TBC1D32: variants seen among roughly 807,000 people sequenced by gnomAD.
TBC1D32 encodes protein broad-minded.
A neutral mutation model predicts 170.3 loss-of-function variants in TBC1D32; 151 were observed. The ratio of observed to expected loss-of-function variants is 0.89; its 90% CI spans 0.78 to 1.01. The LOEUF (loss-of-function observed/expected upper bound fraction) is 1.01, where lower values mean the gene tolerates loss of function less well. Among genes scored for constraint, TBC1D32 ranks in the 50% least tolerant of loss-of-function variants. The pLI is 0.00. For synonymous variants in TBC1D32, 498 were observed against 488.0 expected, an observed-to-expected ratio of 1.02 and a Z score of -0.27; for missense variants, 1,464 against 1,457.1, an observed-to-expected ratio of 1.00 and a Z score of -0.08.
intron 1 of TBC1D32, among the ~76,000 whole-genome samples, chr6:121,330,324 G>A (rs1434540956): frequency 1.3e-5 from 2 of 152,118 alleles, no homozygotes; most frequent in Admixed American, 1.3e-4. Context: ...GTGAGCCACT[G>A]AGCCCAGCCC....
At position 121,112,524 on chromosome 6, in the gene TBC1D32, A is replaced by C. The variant is rs770341437; in HGVS notation, c.3305T>G (p.Leu1102Trp). Residue 1102 changes from leucine (L) to tryptophan (W), a missense_variant, in exon 29 of 32, where the codon TTG (leucine) becomes TGG (tryptophan). Leu to Trp is a moderately conservative substitution (Grantham distance 61). Coordinates refer to ENST00000398212, the MANE Select transcript of TBC1D32 (RefSeq NM_152730.6). ...SRLLTSAFLW[L>W]PRLHISSYLP... ...TCTTACAGAAATATGTAGCCTTGGC[A>C]ACCAAAGAAAAGCAGAAGTCAGAAG... The C allele has an allele frequency of 1.9e-6, 3 of 1,607,656 alleles. No individual in the cohort carries two copies. The highest frequency in any genetic ancestry group is 2.6e-6 in the Non-Finnish European group (3 of 1,176,442).
intron 22 of TBC1D32, among the ~76,000 whole-genome samples, chr6:121,185,526 G>A (rs1393338019): frequency 4.6e-5 from 7 of 152,096 alleles, no homozygotes; most frequent in African/African-American, 1.7e-4. Context: ...TCCCTTATCA[G>A]AGATGATCTG....
intron 21 of TBC1D32, among the ~76,000 whole-genome samples, chr6:121,220,553 GC>G (rs758922759): frequency 1.2e-3 from 182 of 152,050 alleles, no homozygotes; most frequent in Non-Finnish European, 2.2e-3. Context: ...AGATGAAGTA[GC>G]AAGTGCTGAT....
chr6:121,097,591 G>C (rs1221047639), intron 30 of TBC1D32, among the ~76,000 whole-genome samples: 2 of 152,118 alleles, frequency 1.3e-5, no homozygotes, highest in South Asian at 4.1e-4. Context: ...TTACACTTTT[G>C]GTGGGAGTGT....
intron 12 of TBC1D32, among the ~76,000 whole-genome samples, chr6:121,288,807 A>G (rs59102664): frequency 0.023 from 3,375 of 149,028 alleles, 91 homozygotes; most frequent in East Asian, 0.065. Flanking sequence ...TATCCACCAC[A>G]ATCAAGTGGG....
chr6:121,320,216 GA>G (rs200601919), intron 2 of TBC1D32, among the ~76,000 whole-genome samples: 1 of 73,634 alleles, frequency 1.4e-5, no homozygotes, highest in Non-Finnish European at 3.0e-5. Context: ...AAAAGAAAAA[GA>G]AAAAAAAAAC....
At chr6:121,175,696 C>G (rs543718292) in intron 22 of TBC1D32, among the ~76,000 whole-genome samples, 2 of 152,174 alleles carry the variant, frequency 1.3e-5, no homozygotes, top group South Asian at 4.2e-4. Flanking sequence ...GAAAGGTTAC[C>G]TCTTTAATTT....
At chr6:121,117,004 G>A (rs536179090) in intron 26 of TBC1D32, among the ~76,000 whole-genome samples, 2 of 152,162 alleles carry the variant, frequency 1.3e-5, no homozygotes, top group East Asian at 1.9e-4. Flanking sequence ...AAATAGACTC[G>A]ACTCCAGACT....
chr6:121,314,158 A>G (rs1213234301), intron 3 of TBC1D32, among the ~76,000 whole-genome samples: 1 of 152,180 alleles, frequency 6.6e-6, no homozygotes, highest in African/African-American at 2.4e-5. Context: ...GGCTGCCCTC[A>G]TTCCTTGGCT....
At chr6:121,295,463 A>G (rs559991128) in intron 10 of TBC1D32, among the ~76,000 whole-genome samples, 2 of 152,234 alleles carry the variant, frequency 1.3e-5, no homozygotes, top group South Asian at 4.1e-4. Context: ...AGTTAGCATA[A>G]TTTTTATTTT....
intron 15 of TBC1D32, among the ~76,000 whole-genome samples, chr6:121,269,541 C>T (rs1467674169): frequency 6.6e-6 from 1 of 152,132 alleles, no homozygotes; most frequent in Non-Finnish European, 1.5e-5. Context: ...GTAAAGGGAT[C>T]AATTCAACAG....
At chr6:121,272,467 T>C (rs912902883) in intron 15 of TBC1D32, among the ~76,000 whole-genome samples, 2 of 152,134 alleles carry the variant, frequency 1.3e-5, no homozygotes, top group Non-Finnish European at 2.9e-5. Flanking sequence ...TAGACACTTA[T>C]CAAAAGAAGA....
chr6:121,296,345 G>A lies in TBC1D32; in HGVS notation c.1141-1685C>T, dbSNP rs74757776. ...TTCTAGCAAATCATCAAACCTGGGG[G>A]GTTGTCTTGGGGACCCTCCCCCTCC... On this transcript the variant is annotated intron_variant, in intron 10 of 31. Transcript: ENST00000398212. Among the ~76,000 whole-genome samples, 1,348 of 152,102 alleles carry A rather than the reference G, an allele frequency of 8.9e-3. 25 individuals are homozygous for A. The highest frequency in any genetic ancestry group is 0.031 in the African/African-American group (1,274 of 41,490).
At chr6:121,147,985 TGTTG>T (rs1168735084) in intron 24 of TBC1D32, among the ~76,000 whole-genome samples, 1 of 151,744 alleles carries the variant, frequency 6.6e-6, no homozygotes, top group Admixed American at 6.6e-5. Context: ...AATATTTGTT[TGTTG>T]GTTGGTTTTA....
intron 21 of TBC1D32, among the ~76,000 whole-genome samples, chr6:121,220,680 G>A (rs188897382): frequency 1.9e-4 from 25 of 131,994 alleles, no homozygotes; most frequent in African/African-American, 6.4e-4. Context: ...TCATTCTATC[G>A]CCTAGGCTGG....
chr6:121,334,333 A>G lies in TBC1D32; in HGVS notation c.98T>C (p.Leu33Pro), dbSNP rs1316433693. ...TAAAAGAATCTCTTCGGCACACTCCAGGGAAGGGGCACCCGTGATTTTCTC... is the reference window on the plus strand; with the variant it reads ...TAAAAGAATCTCTTCGGCACACTCCGGGGAAGGGGCACCCGTGATTTTCTC... Reference protein sequence around the residue: ...VKEKITGAPSLECAEEILLHL... With the variant: ...VKEKITGAPSPECAEEILLHL... Residue 33 changes from leucine (L) to proline (P), a missense_variant, in exon 1 of 32, where the codon CTG becomes CCG. Transcript: ENST00000398212. 6.2e-6 allele frequency: 10 copies of G among 1,614,092 alleles called. No individual in the cohort carries two copies. Among genetic ancestry groups the G allele is most frequent in the Non-Finnish European group, 7.6e-6 (9 of 1,180,044 alleles).
intron 24 of TBC1D32, among the ~76,000 whole-genome samples, chr6:121,156,575 T>G (rs993177909): frequency 1.4e-5 from 2 of 148,094 alleles, no homozygotes; most frequent in African/African-American, 2.6e-5. Context: ...GTCAGGTGGG[T>G]TTTTTTTCCA....
intron 2 of TBC1D32, among the ~76,000 whole-genome samples, chr6:121,319,984 T>A (rs1004881162): frequency 1.5e-4 from 23 of 152,142 alleles, no homozygotes; most frequent in Middle Eastern, 3.4e-3. Flanking sequence ...AAAAACCACA[T>A]CAATTAACAA....
chr6:121,186,564 G>C (rs1425645627), intron 22 of TBC1D32, among the ~76,000 whole-genome samples: 3 of 152,064 alleles, frequency 2.0e-5, no homozygotes, highest in Non-Finnish European at 4.4e-5. Context: ...TCCACTTATA[G>C]AGACAAAGAC....
Sources: gnomAD v4.1 joint callset for allele counts (sites outside exome capture counted in the v4.1 genomes callset) on GRCh38, gnomAD v4.1.1 for gene constraint, MANE v1.5 for transcripts, NCBI Gene and HGNC (gene_info 2026-07-23, HGNC 2026-07-21) for gene names.